ROBO2: variants seen among roughly 807,000 people sequenced by gnomAD.
The protein encoded by ROBO2 is roundabout homolog 2.
ROBO2 carries 53 observed loss-of-function variants against 160.8 expected under a neutral mutation model. The ratio of observed to expected loss-of-function variants is 0.33; its 90% CI spans 0.26 to 0.41. The LOEUF is 0.41. Among genes scored for constraint, ROBO2 ranks in the 10% least tolerant of loss-of-function variants. ROBO2 has a pLI of 1.00. For missense variants in ROBO2, 1,577 were observed against 1,722.4 expected (o/e 0.92, Z 1.49); for synonymous variants, 664 against 611.7 (o/e 1.09, Z -1.26).
chr3:76,898,082 C>A (rs1559671042), intron 2 of ROBO2, among the ~76,000 whole-genome samples: 1 of 152,056 alleles, frequency 6.6e-6, no homozygotes, highest in African/African-American at 2.4e-5. Context: ...TCATAAGGGA[C>A]ATTCTCCTCC....
intron 2 of ROBO2, among the ~76,000 whole-genome samples, chr3:76,707,388 C>A (rs1290038901): frequency 1.3e-5 from 2 of 152,120 alleles, no homozygotes; most frequent in Non-Finnish European, 2.9e-5. Context: ...CTTTACATTA[C>A]AATCAATTAA....
At chr3:77,519,669 A>G (rs1432458824) in intron 5 of ROBO2, among the ~76,000 whole-genome samples, 1 of 151,364 alleles carries the variant, frequency 6.6e-6, no homozygotes, top group African/African-American at 2.4e-5. Flanking sequence ...TTCTTTATTC[A>G]ATCCACTGTT....
intron 2 of ROBO2, among the ~76,000 whole-genome samples, chr3:76,957,314 C>T (rs1016745060): frequency 6.6e-6 from 1 of 152,026 alleles, no homozygotes; most frequent in African/African-American, 2.4e-5. Context: ...CTGTCATTCC[C>T]TGTTATGCCA....
intron 2 of ROBO2, among the ~76,000 whole-genome samples, chr3:76,561,018 C>G (rs887764288): frequency 1.4e-5 from 2 of 145,212 alleles, no homozygotes; most frequent in Non-Finnish European, 3.0e-5. Context: ...AACAGTCAAG[C>G]TATAATGGTG....
intron 20 of ROBO2, among the ~76,000 whole-genome samples, chr3:77,605,620 C>T (rs1445873936): frequency 6.6e-6 from 1 of 152,114 alleles, no homozygotes; most frequent in East Asian, 1.9e-4. Flanking sequence ...TAATGAATGG[C>T]TTTCTTGAAC....
chr3:77,223,010 T>C (rs114564974), intron 2 of ROBO2, among the ~76,000 whole-genome samples: 172 of 152,282 alleles, frequency 1.1e-3, no homozygotes, highest in African/African-American at 3.9e-3. Context: ...CTCTTCCCCT[T>C]CTATCCTGGG....
intron 2 of ROBO2, among the ~76,000 whole-genome samples, chr3:76,131,024 C>T (rs1378031389): frequency 2.0e-5 from 3 of 152,134 alleles, no homozygotes. Context: ...AATTCACAAT[C>T]TTTAAAATGA....
intron 2 of ROBO2, among the ~76,000 whole-genome samples, chr3:76,535,715 A>T (rs2082460590): frequency 6.6e-6 from 1 of 152,110 alleles, no homozygotes; most frequent in African/African-American, 2.4e-5. Context: ...AGTTTTAAGA[A>T]GTTTAGAAGC....
chr3:76,268,748 C>T (rs565692509), intron 2 of ROBO2, among the ~76,000 whole-genome samples: 213 of 152,224 alleles, frequency 1.4e-3, no homozygotes, highest in South Asian at 8.9e-3. Context: ...TCATTTCCTC[C>T]TCTCTTCAAT....
chr3:77,231,646 A>T (rs1046475016), intron 2 of ROBO2, among the ~76,000 whole-genome samples: 9 of 152,026 alleles, frequency 5.9e-5, no homozygotes, highest in African/African-American at 1.2e-4. Context: ...TTAAAATCTC[A>T]GGACAGACTT....
intron 2 of ROBO2, among the ~76,000 whole-genome samples, chr3:75,974,609 A>C (rs2065087615): frequency 1.3e-5 from 2 of 151,574 alleles, no homozygotes; most frequent in Admixed American, 6.6e-5. Context: ...GTACTACTTC[A>C]AATGTATATT....
chr3:77,043,556 A>G (rs1307911556), intron 1 of ROBO2, among the ~76,000 whole-genome samples: 3 of 152,158 alleles, frequency 2.0e-5, no homozygotes, highest in Non-Finnish European at 2.9e-5. Context: ...AAACTTTTCT[A>G]TTTGGGATGT....
chr3:76,243,478 A>G (rs1705426758), intron 2 of ROBO2, among the ~76,000 whole-genome samples: 2 of 152,140 alleles, frequency 1.3e-5, no homozygotes, highest in Non-Finnish European at 2.9e-5. Flanking sequence ...AAAACAGTAT[A>G]AATAAGCTAA....
intron 2 of ROBO2, among the ~76,000 whole-genome samples, chr3:76,613,286 T>C (rs1356601012): frequency 6.6e-6 from 1 of 152,176 alleles, no homozygotes; most frequent in Admixed American, 6.5e-5. Context: ...CATATGCTTT[T>C]TGAGTTAAGA....
At position 76,250,480 on chromosome 3, in the gene ROBO2, C is replaced by T. The variant is rs565174119; in HGVS notation, c.109+312878C>T. Among the ~76,000 whole-genome samples, 8 of 152,128 alleles carry T rather than the reference C, an allele frequency of 5.3e-5. No homozygotes were observed. The South Asian group carries it at 1.7e-3, about 32-fold the overall frequency. ...ATATTTTAGGGAAGTGTTGTCCGTG[C>T]ATAAGTAGTTAATCGTTTTGCGTGT... On this transcript the variant is annotated intron_variant, in intron 2 of 26. Transcript: ENST00000487694.
intron 2 of ROBO2, among the ~76,000 whole-genome samples, chr3:76,259,824 A>G (rs752282750): frequency 6.6e-6 from 1 of 152,118 alleles, no homozygotes; most frequent in Non-Finnish European, 1.5e-5. Context: ...CCGAGTGAAC[A>G]GGAAGCTTAT....
At chr3:77,274,401 G>A (rs986165211) in intron 2 of ROBO2, among the ~76,000 whole-genome samples, 3 of 152,030 alleles carry the variant, frequency 2.0e-5, no homozygotes, top group Non-Finnish European at 2.9e-5. Flanking sequence ...CATATCGTAA[G>A]AATGTTTTAT....
chr3:76,415,000 A>G (rs1020601532), intron 2 of ROBO2, among the ~76,000 whole-genome samples: 34 of 152,276 alleles, frequency 2.2e-4, no homozygotes, highest in African/African-American at 7.9e-4. Context: ...ATGAGCCTAG[A>G]GAATGATGGG....
At chr3:77,114,760 T>C (rs1161255621) in intron 2 of ROBO2, among the ~76,000 whole-genome samples, 1 of 152,174 alleles carries the variant, frequency 6.6e-6, no homozygotes, top group Admixed American at 6.5e-5. Flanking sequence ...AAAATAATTT[T>C]TTTAAAAAAG....
Sources: allele counts gnomAD v4.1 joint callset (sites outside exome capture counted in the v4.1 genomes callset), GRCh38; gene constraint gnomAD v4.1.1; transcripts MANE v1.5; gene names NCBI Gene and HGNC (gene_info 2026-07-23, HGNC 2026-07-21).